Variants in GABRA4 observed in about 807,000 individuals in gnomAD.
GABRA4 encodes gamma-aminobutyric acid receptor subunit alpha-4.
In GABRA4, 12 loss-of-function variants were observed where a neutral mutation model predicts 49.7. That is an observed-to-expected ratio of 0.24 (90% confidence interval 0.15 to 0.39). GABRA4 has a LOEUF of 0.39. Ranked by LOEUF, GABRA4 falls within the 10% of genes least tolerant of loss-of-function variation. The pLI, the probability that GABRA4 is intolerant of heterozygous loss-of-function variation, is 1.00. For synonymous variants in GABRA4, 288 were observed against 240.2 expected (o/e 1.20, Z -1.84); for missense variants, 506 against 686.0 (o/e 0.74, Z 2.93).
chr4:46,948,896 T>G (rs7666667), intron 8 of GABRA4, among the ~76,000 whole-genome samples: 18,795 of 152,100 alleles, frequency 0.12, 1,438 homozygotes, highest in South Asian at 0.23. Flanking sequence ...TTTATCCTAC[T>G]TGCTTCAGCC....
intron 8 of GABRA4, among the ~76,000 whole-genome samples, chr4:46,944,412 C>T (rs372960014): frequency 1.3e-5 from 2 of 152,216 alleles, no homozygotes; most frequent in Non-Finnish European, 2.9e-5. Context: ...GTGGTAAACC[C>T]GCTCATTAAT....
intron 8 of GABRA4, among the ~76,000 whole-genome samples, chr4:46,960,388 T>C (rs377554053): frequency 2.0e-5 from 3 of 151,710 alleles, no homozygotes; most frequent in Non-Finnish European, 4.4e-5. Flanking sequence ...TAATAAAAGG[T>C]TATATGTTAA....
At chr4:46,970,898 G>T (rs1722929929) in intron 7 of GABRA4, among the ~76,000 whole-genome samples, 185 bp downstream of exon 7, 1 of 151,502 alleles carries the variant, frequency 6.6e-6, no homozygotes, top group Admixed American at 6.6e-5. Context: ...CCAGAGGAAA[G>T]GAAGGATGCC....
chr4:46,976,253 T>TACCATCCTAGTCTAAGC (rs1462650539), intron 5 of GABRA4, among the ~76,000 whole-genome samples: 1 of 144,678 alleles, frequency 6.9e-6, no homozygotes, highest in Non-Finnish European at 1.5e-5. Context: ...TCCTCTCTAG[T>TACCATCCTAGTCTAAGC]ACCATCCTAG....
chr4:46,961,959 ATTGT>A (rs1401302586), intron 8 of GABRA4, among the ~76,000 whole-genome samples: 2 of 151,994 alleles, frequency 1.3e-5, no homozygotes, highest in South Asian at 2.1e-4. Flanking sequence ...ATACTTTTTA[ATTGT>A]TTGTTTGTTT....
Position 46,921,109 on chromosome 4 carries a change from C to A in GABRA4, c.*7116G>T, listed in dbSNP as rs1027210873. 3 of 150,318 alleles carry A rather than the reference C, an allele frequency of 2.0e-5. No individual in the cohort carries two copies. Among genetic ancestry groups the A allele is most frequent in the African/African-American group, 7.3e-5 (3 of 41,018 alleles). 9.3% of individuals were successfully genotyped at this position (150,318 alleles called of 1,614,324 possible). A position where few individuals can be genotyped will look rare whatever the true frequency, so the allele number is the denominator to read the frequency against. ...AAGGATAACATTTTATTCAAAATTT[C>A]TTTTATATTACGCATGGGTATTTCT... On this transcript the variant is annotated 3_prime_UTR_variant, in exon 9 of 9. Coordinates refer to ENST00000264318, the MANE Select transcript of GABRA4 (RefSeq NM_000809.4).
At chr4:46,965,285 G>C (rs1722715270) in intron 7 of GABRA4, 56 bp from the exon 8 acceptor site, 1 of 1,337,142 alleles carries the variant, frequency 7.5e-7, no homozygotes, top group African/African-American at 1.5e-5. Context: ...GTATTAAAAA[G>C]CACCGCCACC....
chr4:46,967,621 A>G (rs1232680960), intron 7 of GABRA4, among the ~76,000 whole-genome samples: 2 of 151,596 alleles, frequency 1.3e-5, no homozygotes. Context: ...ACAGAAACCA[A>G]CTCTTCAGAA....
chr4:46,935,863 A>G (rs1721587154), intron 8 of GABRA4, among the ~76,000 whole-genome samples: 1 of 152,226 alleles, frequency 6.6e-6, no homozygotes, highest in African/African-American at 2.4e-5. Context: ...GAAGTCAGTC[A>G]GGGAAAGGAT....
intron 5 of GABRA4, among the ~76,000 whole-genome samples, chr4:46,976,175 C>A (rs999217158): frequency 5.3e-5 from 8 of 151,568 alleles, no homozygotes; most frequent in Non-Finnish European, 1.2e-4. Flanking sequence ...ATATTGTTTT[C>A]TATCCATTCA....
chr4:46,964,893 C>T (rs1324280117), intron 8 of GABRA4, 77 bp downstream of exon 8: 5 of 1,433,446 alleles, frequency 3.5e-6, no homozygotes, highest in Non-Finnish European at 4.7e-6. Flanking sequence ...TTTTTAAGTT[C>T]TCAGTTTGTT....
chr4:46,988,084 T>A lies in GABRA4; in HGVS notation c.205+4744A>T, dbSNP rs149447470. ...CCTTCAGACCTTTGCACTTAATTGC[T>A]TTGTTCTCTCTGAGAATTACTTTTC... is the stretch of plus-strand genomic sequence containing the variant. On this transcript the variant is annotated intron_variant, in intron 2 of 8. Coordinates refer to ENST00000264318, the MANE Select transcript of GABRA4 (RefSeq NM_000809.4). Among the ~76,000 whole-genome samples the A allele has an allele frequency of 9.9e-3, 1,504 of 152,242 alleles. 10 individuals carry two copies. Among genetic ancestry groups the A allele is most frequent in the Non-Finnish European group, 0.015 (994 of 67,986 alleles).
chr4:46,928,805 T>G (rs367868192), intron 8 of GABRA4, 50 bp from the exon 9 acceptor site: 1 of 1,281,138 alleles, frequency 7.8e-7, no homozygotes, highest in Non-Finnish European at 1.1e-6. Context: ...TTATGCAGAT[T>G]TGTACAAAAT....
At chr4:46,962,020 T>C (rs1722593836) in intron 8 of GABRA4, among the ~76,000 whole-genome samples, 1 of 151,944 alleles carries the variant, frequency 6.6e-6, no homozygotes, top group South Asian at 2.1e-4. Context: ...ACAATAGCTT[T>C]TATTGGGCTT....
intron 8 of GABRA4, among the ~76,000 whole-genome samples, chr4:46,949,192 G>A (rs753730748): frequency 6.6e-6 from 1 of 152,094 alleles, no homozygotes; most frequent in Non-Finnish European, 1.5e-5. Flanking sequence ...TGACTGGACA[G>A]TAAGTTAACT....
chr4:46,978,052 T>C (rs1168283277), intron 3 of GABRA4, among the ~76,000 whole-genome samples: 1 of 152,078 alleles, frequency 6.6e-6, no homozygotes, highest in Non-Finnish European at 1.5e-5. Context: ...TAAGAGATAT[T>C]TTATTTTCAC....
chr4:46,929,087 T>C (rs1721340104), intron 8 of GABRA4, among the ~76,000 whole-genome samples: 1 of 152,022 alleles, frequency 6.6e-6, no homozygotes, highest in African/African-American at 2.4e-5. Flanking sequence ...TGAATACTGC[T>C]GTAAAAGTTA....
intron 2 of GABRA4, among the ~76,000 whole-genome samples, chr4:46,990,816 C>T (rs553841518): frequency 1.3e-5 from 2 of 152,322 alleles, no homozygotes; most frequent in African/African-American, 2.4e-5. Context: ...TGTAGGCAAC[C>T]TATCCCTGGA....
intron 3 of GABRA4, 37 bp from the exon 4 acceptor site, chr4:46,977,667 A>G (rs1723194772): frequency 2.2e-6 from 3 of 1,381,492 alleles, no homozygotes; most frequent in South Asian, 2.5e-5. Context: ...TAAGTTGCAA[A>G]TGACTACACA....
Sources: allele counts gnomAD v4.1 joint callset (sites outside exome capture counted in the v4.1 genomes callset), GRCh38; gene constraint gnomAD v4.1.1; transcripts MANE v1.5; gene names NCBI Gene and HGNC (gene_info 2026-07-23, HGNC 2026-07-21).